The following PTBP3 variants were observed in gnomAD, a reference collection of about 807,000 sequenced individuals.
The protein encoded by PTBP3 is polypyrimidine tract-binding protein 3.
PTBP3 carries 20 observed loss-of-function variants against 58.7 expected under a neutral mutation model. That is an observed-to-expected ratio of 0.34 (90% CI 0.24 to 0.50). The LOEUF (loss-of-function observed/expected upper bound fraction) is 0.50, where lower values mean the gene tolerates loss of function less well. PTBP3 is among the 20% of genes least tolerant of loss of function. PTBP3 has a pLI of 0.98. For synonymous variants in PTBP3, 185 were observed against 219.8 expected (o/e 0.84, Z 1.40); for missense variants, 509 against 637.2 (o/e 0.80, Z 2.17).
the PTBP3 span, among the ~76,000 whole-genome samples, chr9:112,358,988 C>T: frequency 6.6e-6 from 1 of 152,156 alleles, no homozygotes; most frequent in African/African-American, 2.4e-5. Flanking sequence ...GCATGTGCCA[C>T]TATGCCTAGC....
intron 5 of PTBP3, among the ~76,000 whole-genome samples, chr9:112,253,585 G>C (rs1157006494): frequency 6.6e-6 from 1 of 152,142 alleles, no homozygotes; most frequent in Non-Finnish European, 1.5e-5. Flanking sequence ...TGTTGATATG[G>C]TTTGGCTCTG....
At chr9:112,313,350 T>C (rs926542081) in intron 1 of PTBP3, among the ~76,000 whole-genome samples, 8 of 152,336 alleles carry the variant, frequency 5.3e-5, no homozygotes, top group African/African-American at 1.9e-4. Context: ...ACTACAGGTG[T>C]GTGCCACTAC....
At chr9:112,339,837 A>T in the PTBP3 span, among the ~76,000 whole-genome samples, 1 of 152,152 alleles carries the variant, frequency 6.6e-6, no homozygotes, top group Admixed American at 6.6e-5. Flanking sequence ...AAGTGCTGGG[A>T]TTACAGGTGT....
chr9:112,229,717 C>A (rs181674033), intron 10 of PTBP3, among the ~76,000 whole-genome samples: 1 of 152,042 alleles, frequency 6.6e-6, no homozygotes, highest in Non-Finnish European at 1.5e-5. Context: ...TAAACATATA[C>A]CATTTGTTTT....
At chr9:112,249,905 T>A (rs1158664744) in intron 7 of PTBP3, among the ~76,000 whole-genome samples, 1 of 151,870 alleles carries the variant, frequency 6.6e-6, no homozygotes, top group African/African-American at 2.4e-5. Context: ...CCAAATCAGA[T>A]AAGTAAGTTA....
intron 1 of PTBP3, among the ~76,000 whole-genome samples, chr9:112,325,431 T>C (rs7856454): frequency 0.28 from 42,027 of 151,636 alleles, 6,850 homozygotes; most frequent in South Asian, 0.4. Context: ...GCGGGACCCC[T>C]CTCTTTGCTG....
the PTBP3 span, among the ~76,000 whole-genome samples, chr9:112,353,200 T>C: frequency 2.0e-5 from 3 of 146,912 alleles, no homozygotes; most frequent in African/African-American, 7.6e-5. Context: ...GGCGCCCAGC[T>C]GATGACTTTC....
Position 112,223,802 on chromosome 9 carries a change from G to T in PTBP3, c.*49C>A, listed in dbSNP as rs368135217. 8.1e-6 allele frequency: 13 copies of T among 1,612,434 alleles called. No individual in the cohort carries two copies. The African/African-American group carries it at 1.7e-4, about 22-fold the overall frequency. On this transcript the variant is annotated 3_prime_UTR_variant, in exon 14 of 14. Coordinates refer to ENST00000374257, the MANE Select transcript of PTBP3 (RefSeq NM_001163788.4). The stretch of plus-strand genomic sequence containing the variant: ...GAGCTGCTTCAGTCTATGTCTGAAG[G>T]TTTTACTGAAATTATGGTCCAGTTT...
rs2131924545 is a variant in PTBP3 at position 112,220,712 on chromosome 9, C to T, written c.*3139G>A. On this transcript the variant is annotated 3_prime_UTR_variant, in exon 14 of 14. Coordinates refer to ENST00000374257, the MANE Select transcript of PTBP3 (RefSeq NM_001163788.4). ...TTTTCTATTTGTATGTTACACAAAA[C>T]ACATTTTACTGCTATGCAAATTATT... The T allele has an allele frequency of 1.0e-6, 1 of 984,544 alleles. No individual in the cohort carries two copies. Among genetic ancestry groups the T allele is most frequent in the East Asian group, 1.1e-4 (1 of 8,846 alleles). 61.0% of individuals were successfully genotyped at this position (984,544 alleles called of 1,614,324 possible).
At chr9:112,258,010 CA>C (rs1315431462) in intron 5 of PTBP3, among the ~76,000 whole-genome samples, 2 of 150,974 alleles carry the variant, frequency 1.3e-5, no homozygotes, top group African/African-American at 2.4e-5. Flanking sequence ...ACACTGGCCA[CA>C]ACTTGTTTAT....
chr9:112,262,793 A>G (rs1836653696), intron 4 of PTBP3, among the ~76,000 whole-genome samples, 194 bp from the exon 5 acceptor site: 1 of 152,260 alleles, frequency 6.6e-6, no homozygotes, highest in Non-Finnish European at 1.5e-5. Context: ...ACAATGACAC[A>G]GTATTTTTAA....
chr9:112,227,677 T>C lies in PTBP3; in HGVS notation c.1148-50A>G, dbSNP rs1589795217. On this transcript the variant is annotated intron_variant, in intron 11 of 13. Transcript: ENST00000374257. The stretch of plus-strand genomic sequence containing the variant: ...AAGTTTGAGTATTAGGATAGATTTC[T>C]CAGTAGTATCTGACAACATTACCAT... 6.9e-6 allele frequency: 9 copies of C among 1,299,890 alleles called. No individual in the cohort carries two copies. The East Asian group carries it at 2.1e-4, about 30-fold the overall frequency. The allele number at this position is 1,299,890 out of a possible 1,614,324, so 80.5% of individuals were successfully genotyped here.
chr9:112,337,091 G>A (rs1830582639), upstream of PTBP3, among the ~76,000 whole-genome samples: 1 of 152,278 alleles, frequency 6.6e-6, no homozygotes, highest in East Asian at 1.9e-4. Context: ...GTGCAGTAGC[G>A]CGATCTCAGC....
rs573970981 is a variant in PTBP3 at position 112,231,480 on chromosome 9, T to C, written c.1021-67A>G. The C allele has an allele frequency of 1.4e-3, 1,831 of 1,301,540 alleles. 3 individuals carry two copies. Among genetic ancestry groups the C allele is most frequent in the Non-Finnish European group, 1.9e-3 (1,721 of 926,930 alleles). The allele number at this position is 1,301,540 out of a possible 1,614,324, so 80.6% of individuals were successfully genotyped here. On this transcript the variant is annotated intron_variant, in intron 9 of 13. Coordinates refer to ENST00000374257, the MANE Select transcript of PTBP3 (RefSeq NM_001163788.4). ...TAAAAATTGAAAATAAGTTTATTTA[T>C]ACTGTAATGGCAGTTGATTTTATTT...
the PTBP3 span, among the ~76,000 whole-genome samples, chr9:112,378,427 T>C: frequency 1.3e-5 from 2 of 152,156 alleles, no homozygotes; most frequent in Non-Finnish European, 2.9e-5. Flanking sequence ...CCGTAACAAA[T>C]GGAAATAGAA....
chr9:112,274,425 CA>C (rs1564424755), intron 3 of PTBP3, among the ~76,000 whole-genome samples: 1 of 152,108 alleles, frequency 6.6e-6, no homozygotes, highest in East Asian at 1.9e-4. Context: ...CTCTTCTTTA[CA>C]GTAATAAACA....
chr9:112,256,300 TATATATA>T (rs1203930192), intron 5 of PTBP3, among the ~76,000 whole-genome samples: 79 of 71,318 alleles, frequency 1.1e-3, no homozygotes, highest in Non-Finnish European at 1.2e-3. Flanking sequence ...TATACATATA[TATATATA>T]TATTTATCTA....
chr9:112,328,357 C>A (rs1055126519), intron 1 of PTBP3, among the ~76,000 whole-genome samples: 4 of 152,162 alleles, frequency 2.6e-5, no homozygotes, highest in Admixed American at 6.5e-5. Flanking sequence ...ATTTTACATT[C>A]CCAGATCTAA....
At chr9:112,291,904 G>A (rs568287924) in intron 2 of PTBP3, among the ~76,000 whole-genome samples, 5 of 152,102 alleles carry the variant, frequency 3.3e-5, no homozygotes, top group South Asian at 4.1e-4. Context: ...GCACAGCAAC[G>A]GAAATAACAG....
Sources: allele counts gnomAD v4.1 joint callset (sites outside exome capture counted in the v4.1 genomes callset), GRCh38; gene constraint gnomAD v4.1.1; transcripts MANE v1.5; gene names NCBI Gene and HGNC (gene_info 2026-07-23, HGNC 2026-07-21).